The following AFAP1L2 variants were observed in gnomAD, a reference collection of about 807,000 sequenced individuals.
AFAP1L2 encodes actin filament-associated protein 1-like 2.
In AFAP1L2, 46 loss-of-function variants were observed where a neutral mutation model predicts 99.3. That is an observed-to-expected ratio of 0.46 (90% CI 0.37 to 0.59). The LOEUF (loss-of-function observed/expected upper bound fraction) is 0.59. Among genes scored for constraint, AFAP1L2 ranks in the 20% least tolerant of loss-of-function variants. The pLI is 0.00. For synonymous variants in AFAP1L2, 397 were observed against 419.1 expected (o/e 0.95, Z 0.64); for missense variants, 959 against 1,034.9 (o/e 0.93, Z 1.01).
intron 1 of AFAP1L2, among the ~76,000 whole-genome samples, chr10:114,360,814 G>A (rs1184771389): frequency 6.6e-6 from 1 of 152,130 alleles, no homozygotes. Context: ...CCACAGATCA[G>A]GACAATATCT....
chr10:114,283,505 A>G, the AFAP1L2 span, among the ~76,000 whole-genome samples: 1 of 152,198 alleles, frequency 6.6e-6, no homozygotes, highest in African/African-American at 2.4e-5. Flanking sequence ...AGAATCTGAG[A>G]GTGGAGCTGT....
At chr10:114,290,886 G>C (rs1340216724), downstream of AFAP1L2, among the ~76,000 whole-genome samples, 1 of 152,168 alleles carries the variant, frequency 6.6e-6, no homozygotes, top group Non-Finnish European at 1.5e-5. Flanking sequence ...CATTGTCAAG[G>C]GTAACAGATT....
intron 15 of AFAP1L2, 84 bp from the exon 16 acceptor site, chr10:114,299,499 A>C (rs547596299): frequency 6.5e-7 from 1 of 1,544,322 alleles, no homozygotes; most frequent in Admixed American, 1.9e-5. Flanking sequence ...GCTCGGATAG[A>C]ACCTGGGGCT....
intron 1 of AFAP1L2, among the ~76,000 whole-genome samples, chr10:114,382,280 A>ATGAACTGGTGCTCAC (rs60605466): frequency 2.6e-5 from 4 of 152,090 alleles, no homozygotes; most frequent in East Asian, 1.9e-4. Flanking sequence ...CCAGTGATTT[A>ATGAACTGGTGCTCAC]CATATAAAGG....
chr10:114,286,355 G>A, the AFAP1L2 span: 18 of 1,613,784 alleles, frequency 1.1e-5, no homozygotes, highest in Admixed American at 3.0e-4. Flanking sequence ...AAGGGCGCGA[G>A]AGCTGCTCCT....
chr10:114,368,668 G>A (rs528715220), intron 1 of AFAP1L2, among the ~76,000 whole-genome samples: 33 of 151,788 alleles, frequency 2.2e-4, no homozygotes, highest in African/African-American at 3.6e-4. Context: ...ACCCTCCTCC[G>A]CCTCCCAAAG....
intron 1 of AFAP1L2, among the ~76,000 whole-genome samples, chr10:114,370,358 C>G (rs2136966591): frequency 6.6e-6 from 1 of 152,262 alleles, no homozygotes. Context: ...TGTTTCTTTG[C>G]TGAAATGAGT....
At position 114,363,066 on chromosome 10, in the gene AFAP1L2, G is replaced by A. The variant is rs532070850; in HGVS notation, c.17-22335C>T. The A allele has an allele frequency of 4.3e-5, 42 of 985,360 alleles. No homozygotes were observed. The South Asian group carries it at 1.3e-3, about 31-fold the overall frequency. 61.0% of individuals were successfully genotyped at this position (985,360 alleles called of 1,614,324 possible). On this transcript the variant is annotated intron_variant, in intron 1 of 18. Transcript: ENST00000304129. ...GCCCAGGCTGCTCTCCGCTGGGGTCGGCCCCTCACTTGGTGACAGTGGGAT... is the reference window on the plus strand; with the variant it reads ...GCCCAGGCTGCTCTCCGCTGGGGTCAGCCCCTCACTTGGTGACAGTGGGAT...
In AFAP1L2 at chr10:114,307,794, A is replaced by G. The variant is rs375327055; in HGVS notation, c.1072+11T>C. 5.6e-5 allele frequency: 90 copies of G among 1,610,974 alleles called. No individual in the cohort carries two copies. The highest frequency in any genetic ancestry group is 7.4e-5 in the Non-Finnish European group (87 of 1,177,396). Reference sequence around the variant, plus strand: ...TGAGCCTGTGGTCCCGGAGGTAGCTACAATTCTTACTGGATGTCTCGAGGG... The same window carrying G: ...TGAGCCTGTGGTCCCGGAGGTAGCTGCAATTCTTACTGGATGTCTCGAGGG... On this transcript the variant is annotated intron_variant, in intron 10 of 18. Coordinates refer to ENST00000304129, the MANE Select transcript of AFAP1L2 (RefSeq NM_001001936.3).
rs2041370143 is a variant in AFAP1L2, at chr10:114,302,442, G to A, written c.1327C>T (p.Leu443Phe). ...EEMGHWLGLL[L>F]SESGSKTDPE... ...TCTGTCTTGGAGCCTGACTCAGAGA[G>A]CAGGAGACCCAGCCAGTGGCCCATT... The change falls in exon 12 of 19, where the codon CTC (leucine) becomes TTC (phenylalanine). Residue 443 changes from leucine (L) to phenylalanine (F), a missense_variant. Transcript: ENST00000304129. The A allele has an allele frequency of 1.2e-6, 2 of 1,614,036 alleles. No individual in the cohort carries two copies. Among genetic ancestry groups the A allele is most frequent in the East Asian group, 2.2e-5 (1 of 44,898 alleles).
rs376336065 is a variant in AFAP1L2 at position 114,304,874 on chromosome 10, C to G, written c.1129G>C (p.Asp377His). Residue 377 changes from aspartate to histidine, a missense_variant, in exon 11 of 19, where the codon GAC (aspartate) becomes CAC (histidine). Coordinates refer to ENST00000304129, the MANE Select transcript of AFAP1L2 (RefSeq NM_001001936.3). Reference sequence around the variant, plus strand: ...TCCTGGTAGAAGTGCAGGTGATTGTCCCTGACAGAGCACCAGCGAGACTTC... The same window carrying G: ...TCCTGGTAGAAGTGCAGGTGATTGTGCCTGACAGAGCACCAGCGAGACTTC... ...QWKSRWCSVR[D>H]NHLHFYQDRN... is the part of the protein sequence containing the mutation. 4 of 1,613,332 alleles carry G rather than the reference C, an allele frequency of 2.5e-6. No individual in the cohort carries two copies. Among genetic ancestry groups the G allele is most frequent in the South Asian group, 1.1e-5 (1 of 91,086 alleles).
intron 1 of AFAP1L2, among the ~76,000 whole-genome samples, chr10:114,342,991 GC>G (rs1252953447): frequency 6.6e-6 from 1 of 152,164 alleles, no homozygotes; most frequent in East Asian, 1.9e-4. Flanking sequence ...TGAAAGCAAA[GC>G]AAATCTATCC....
intron 1 of AFAP1L2, among the ~76,000 whole-genome samples, chr10:114,360,513 A>ATAGATAGATAGATAGT (rs1554937689): frequency 0.025 from 1,947 of 79,100 alleles, 19 homozygotes; most frequent in East Asian, 0.062. Flanking sequence ...AGATAGTTAG[A>ATAGATAGATAGATAGT]TAGATAGATA....
intron 1 of AFAP1L2, among the ~76,000 whole-genome samples, chr10:114,355,244 T>TTC (rs1267897939): frequency 2.9e-5 from 4 of 136,950 alleles, no homozygotes; most frequent in African/African-American, 3.1e-5. Context: ...AGCCTTTCTC[T>TTC]TCTCGCTCTC....
intron 1 of AFAP1L2, among the ~76,000 whole-genome samples, chr10:114,352,715 CG>C (rs2050725510): frequency 6.6e-6 from 1 of 152,186 alleles, no homozygotes; most frequent in Non-Finnish European, 1.5e-5. Flanking sequence ...AGAAACAGGT[CG>C]AAAGAATGAG....
Position 114,337,766 on chromosome 10 carries a change from T to C in AFAP1L2, c.145+2837A>G, listed in dbSNP as rs1045913131. Reference sequence around the variant, plus strand: ...GGTCAGACTTATCACAAACAGGTGGTTTCCAGTTCCCAACAGAGGTGTTTC... The same window carrying C: ...GGTCAGACTTATCACAAACAGGTGGCTTCCAGTTCCCAACAGAGGTGTTTC... On this transcript the variant is annotated intron_variant, in intron 2 of 18. Coordinates refer to ENST00000304129, the MANE Select transcript of AFAP1L2 (RefSeq NM_001001936.3). Among the ~76,000 whole-genome samples, 4 of 152,216 alleles carry C rather than the reference T, an allele frequency of 2.6e-5. No individual in the cohort carries two copies. The East Asian group carries it at 7.7e-4, about 29-fold the overall frequency.
intron 1 of AFAP1L2, among the ~76,000 whole-genome samples, chr10:114,384,757 C>T (rs1441697775): frequency 6.6e-6 from 1 of 152,206 alleles, no homozygotes; most frequent in Non-Finnish European, 1.5e-5. Flanking sequence ...GGGGCTGTGC[C>T]CTGTGGCCAG....
At position 114,354,079 on chromosome 10, in the gene AFAP1L2, G is replaced by A. The variant is rs539018586; in HGVS notation, c.17-13348C>T. 1.1e-3 allele frequency among the ~76,000 whole-genome samples: 171 copies of A among 152,214 alleles called. 1 individual carries two copies. The highest frequency in any genetic ancestry group is 3.9e-3 in the African/African-American group (163 of 41,538). Reference sequence around the variant, plus strand: ...ACCGCTGTGGAAAGAATGCCATCCCGGAACCTTCGCGCCTGAGTCCTCAGT... The same window carrying A: ...ACCGCTGTGGAAAGAATGCCATCCCAGAACCTTCGCGCCTGAGTCCTCAGT... On this transcript the variant is annotated intron_variant, in intron 1 of 18. Transcript: ENST00000304129.
In AFAP1L2 at chr10:114,301,412, C is replaced by G; in HGVS notation, c.1484G>C (p.Ser495Thr). Reference sequence around the variant, plus strand: ...ATACAGCTCCTCCTGGCGGTCCTGGCTAGGCAGGCCATCGATGTAAGTGTT... The same window carrying G: ...ATACAGCTCCTCCTGGCGGTCCTGGGTAGGCAGGCCATCGATGTAAGTGTT... ...EPNTYIDGLP[S>T]QDRQEELYDD... Residue 495 changes from serine (S) to threonine (T), a missense_variant, in exon 13 of 19, where the codon AGC (serine) becomes ACC (threonine). By Grantham distance (58) the Ser-to-Thr change is moderately conservative. Coordinates refer to ENST00000304129, the MANE Select transcript of AFAP1L2 (RefSeq NM_001001936.3). The G allele has an allele frequency of 6.2e-7, 1 of 1,614,248 alleles. No homozygotes were observed. Among genetic ancestry groups the G allele is most frequent in the Non-Finnish European group, 8.5e-7 (1 of 1,180,036 alleles).
Sources: gnomAD v4.1 joint callset for allele counts (sites outside exome capture counted in the v4.1 genomes callset) on GRCh38, gnomAD v4.1.1 for gene constraint, MANE v1.5 for transcripts, NCBI Gene and HGNC (gene_info 2026-07-23, HGNC 2026-07-21) for gene names.